The following TLR9 variants were observed in gnomAD, a reference collection of about 807,000 sequenced individuals.
The protein encoded by TLR9 is toll-like receptor 9.
A neutral mutation model predicts 24.6 loss-of-function variants in TLR9; 19 were observed. The observed-to-expected ratio is 0.77, with a 90% CI of 0.54 to 1.13. TLR9 has a LOEUF of 1.13. Among genes scored for constraint, TLR9 ranks in the 50% most tolerant of loss-of-function variants. The probability of loss-of-function intolerance (pLI) is 0.00; values close to 1 mark genes in which losing one functional copy is unlikely to be tolerated. For synonymous variants in TLR9, 579 were observed against 609.8 expected (o/e 0.95, Z 0.74); for missense variants, 1,065 against 1,379.6 (o/e 0.77, Z 3.61).
In TLR9 at chr3:52,221,511, A is replaced by G; in HGVS notation, c.2805T>C (p.Phe935=). The change falls in exon 2 of 2, where the codon TTT becomes TTC. Residue 935 remains phenylalanine, a synonymous_variant. Coordinates refer to ENST00000360658, the MANE Select transcript of TLR9 (RefSeq NM_017442.4). This position sits in a 1 kb window ranked among gnomAD's most constrained non-coding sequence, Gnocchi z 9.9. ...ASVYGSRKTL[F]VLAHTDRVSG... ...TGACCCGGTCCGTGTGGGCCAGCACAAACAGCGTCTTGCGGCTGCCATAGA... is the reference window on the plus strand; with the variant it reads ...TGACCCGGTCCGTGTGGGCCAGCACGAACAGCGTCTTGCGGCTGCCATAGA... The G allele has an allele frequency of 6.2e-7, 1 of 1,613,132 alleles. No homozygotes were observed. The highest frequency in any genetic ancestry group is 8.5e-7 in the Non-Finnish European group (1 of 1,179,840).
At chr3:52,225,434 CG>C (rs1415429669) in intron 1 of TLR9, 92 bp downstream of exon 1, 4 of 1,548,454 alleles carry the variant, frequency 2.6e-6, no homozygotes, top group Non-Finnish European at 3.5e-6. Context: ...GGTGACAACC[CG>C]TCACTGTTGC....
chr3:52,221,320 G>A lies in TLR9; in HGVS notation c.2996C>T (p.Pro999Leu). Residue 999 changes from proline to leucine, a missense_variant, in exon 2 of 2, where the codon CCC (proline) becomes CTC (leucine). Coordinates refer to ENST00000360658, the MANE Select transcript of TLR9 (RefSeq NM_017442.4). The surrounding 1 kb of genome is among the most constrained non-coding windows in gnomAD (Gnocchi z 9.9). ...RQSVLLWPHQ[P>L]SGQRSFWAQL... ...GGCCCAGAAGCTGCGCTGACCACTG[G>A]GCTGGTGGGGCCAGAGGAGGACACT... 5.1e-6 allele frequency: 8 copies of A among 1,566,324 alleles called. No homozygotes were observed. The highest frequency in any genetic ancestry group is 6.9e-6 in the Non-Finnish European group (8 of 1,155,140).
At position 52,222,013 on chromosome 3, in the gene TLR9, G is replaced by A. The variant is rs200548286; in HGVS notation, c.2303C>T (p.Ala768Val). Reference sequence around the variant, plus strand: ...CTCCAGCAGGAAGTCCATAAAGGCCGCCCCACAGGCGCAGTGCAGAGGGTT... The same window carrying A: ...CTCCAGCAGGAAGTCCATAAAGGCCACCCCACAGGCGCAGTGCAGAGGGTT... ...SANPLHCACG[A>V]AFMDFLLEVQ... Residue 768 changes from alanine (A) to valine (V), a missense_variant, in exon 2 of 2, where the codon GCG (alanine) becomes GTG (valine). By Grantham distance (64) the Ala-to-Val change is moderately conservative. Coordinates refer to ENST00000360658, the MANE Select transcript of TLR9 (RefSeq NM_017442.4). 3.7e-6 allele frequency: 6 copies of A among 1,608,794 alleles called. No homozygotes were observed. The highest frequency in any genetic ancestry group is 4.2e-6 in the Non-Finnish European group (5 of 1,177,342).
rs1370997293 is a variant in TLR9 at position 52,221,950 on chromosome 3, T to A, written c.2366A>T (p.Lys789Met). ...CTGGAGCTGGCCCGGACTGCCACAC[T>A]TCACCCGGCTGGGCAGACCGGGCAC... ...AAVPGLPSRV[K>M]CGSPGQLQGL... The change falls in exon 2 of 2, where the codon AAG becomes ATG. Residue 789 changes from lysine (K) to methionine (M), a missense_variant. Physicochemically the swap from Lys to Met is moderately conservative, Grantham distance 95 (BLOSUM62 -1). Coordinates refer to ENST00000360658, the MANE Select transcript of TLR9 (RefSeq NM_017442.4). This position sits in a 1 kb window ranked among gnomAD's most constrained non-coding sequence, Gnocchi z 9.9. 6.2e-7 allele frequency: 1 copy of A among 1,611,340 alleles called. No homozygotes were observed.
rs144351655 is a variant in TLR9 at position 52,222,165 on chromosome 3, G to T, written c.2151C>A (p.Ala717=). The T allele has an allele frequency of 8.1e-5, 130 of 1,613,724 alleles. No homozygotes were observed. The highest frequency in any genetic ancestry group is 1.1e-4 in the Non-Finnish European group (128 of 1,179,928). ...CCTTGGCCTTGGAAAAGAAGCCGGG[G>T]GCCACGAAGCTGATGCTGTTGCAGC... The part of the protein sequence containing the change: ...DVSCNSISFV[A]PGFFSKAKEL... Residue 717 remains alanine, a synonymous_variant, in exon 2 of 2, where the codon GCC becomes GCA. Coordinates refer to ENST00000360658, the MANE Select transcript of TLR9 (RefSeq NM_017442.4).
Position 52,225,596 on chromosome 3 carries a change from G to GCTT in TLR9, c.-70_-68dup, listed in dbSNP as rs774031365. 37 of 1,570,276 alleles carry GCTT rather than the reference G, an allele frequency of 2.4e-5. No homozygotes were observed. The Admixed American group carries it at 3.7e-4, about 16-fold the overall frequency. On this transcript the variant is annotated 5_prime_UTR_variant, in exon 1 of 2. Transcript: ENST00000360658. ...CTGGACAGCAGCTACAGGGAAGGATGCTTCACACTCGAGGTCCCTTCCCAC... is the reference window on the plus strand; with the variant it reads ...CTGGACAGCAGCTACAGGGAAGGATGCTTCTTCACACTCGAGGTCCCTTCCCAC...
chr3:52,223,647 C>A lies in TLR9; in HGVS notation c.669G>T (p.Glu223Asp), dbSNP rs781043967. The A allele has an allele frequency of 1.3e-6, 2 of 1,587,264 alleles. No homozygotes were observed. Among genetic ancestry groups the A allele is most frequent in the South Asian group, 1.2e-5 (1 of 86,776 alleles). The stretch of plus-strand genomic sequence containing the variant: ...TGCGGTTGTAGGACAACAGCAGATA[C>A]TCCAGGCTGGAAGGCAGGTTGCGGG... ...VVPRNLPSSLEYLLLSYNRIV... is the reference protein window; with the variant it reads ...VVPRNLPSSLDYLLLSYNRIV... The change falls in exon 2 of 2, where the codon GAG becomes GAT. Residue 223 changes from glutamate (E) to aspartate (D), a missense_variant. Coordinates refer to ENST00000360658, the MANE Select transcript of TLR9 (RefSeq NM_017442.4).
Position 52,222,225 on chromosome 3 carries a change from C to T in TLR9, c.2091G>A (p.Leu697=), listed in dbSNP as rs1348370346. Residue 697 remains leucine (L), a synonymous_variant, in exon 2 of 2, where the codon CTG becomes CTA. Coordinates refer to ENST00000360658, the MANE Select transcript of TLR9 (RefSeq NM_017442.4). ...GCCTCCGGAGCCGGGTGCCAGCAGG[C>T]AGGCTGCCATTGGTCAGGGCCTTCA... ...NQLKALTNGS[L]PAGTRLRRLD... 1 of 1,614,142 alleles carries T rather than the reference C, an allele frequency of 6.2e-7. No individual in the cohort carries two copies. The highest frequency in any genetic ancestry group is 1.3e-5 in the African/African-American group (1 of 75,060).
rs759114677 is a variant in TLR9, at chr3:52,222,064, G to T, written c.2252C>A (p.Ala751Asp). ...GGCGCTTACATCTAGTATTTGCAGG[G>T]CACTCGCCAGGGGCCCAAACCAGGA... ...DHSWFGPLAS[A>D]LQILDVSANP... Residue 751 changes from alanine (A) to aspartate (D), a missense_variant, in exon 2 of 2, where the codon GCC becomes GAC. Transcript: ENST00000360658. The T allele has an allele frequency of 6.2e-7, 1 of 1,612,532 alleles. No individual in the cohort carries two copies. The highest frequency in any genetic ancestry group is 8.5e-7 in the Non-Finnish European group (1 of 1,179,242).
In TLR9 at chr3:52,222,150, G is replaced by T. The variant is rs372231358; in HGVS notation, c.2166C>A (p.Ser722=). ...SISFVAPGFF[S]KAKELRELNL... Reference sequence around the variant, plus strand: ...TGAGCTCTCGCAGCTCCTTGGCCTTGGAAAAGAAGCCGGGGGCCACGAAGC... The same window carrying T: ...TGAGCTCTCGCAGCTCCTTGGCCTTTGAAAAGAAGCCGGGGGCCACGAAGC... Residue 722 remains serine, a synonymous_variant, in exon 2 of 2, where the codon TCC becomes TCA. Transcript: ENST00000360658. 3 of 1,613,434 alleles carry T rather than the reference G, an allele frequency of 1.9e-6. 1 individual carries two copies. In the African/African-American group the frequency reaches 4.0e-5, roughly 22 times the overall value.
In TLR9 at chr3:52,222,165, G is replaced by C; in HGVS notation, c.2151C>G (p.Ala717=). ...DVSCNSISFV[A]PGFFSKAKEL... is the part of the protein sequence containing the mutation. ...CCTTGGCCTTGGAAAAGAAGCCGGG[G>C]GCCACGAAGCTGATGCTGTTGCAGC... The change falls in exon 2 of 2, where the codon GCC becomes GCG. Residue 717 remains alanine, a synonymous_variant. Transcript: ENST00000360658. The C allele has an allele frequency of 6.2e-7, 1 of 1,613,842 alleles. No individual in the cohort carries two copies.
rs764783650 is a variant in TLR9 at position 52,223,726 on chromosome 3, C to G, written c.590G>C (p.Gly197Ala). Residue 197 changes from glycine to alanine, a missense_variant, in exon 2 of 2, where the codon GGC (glycine) becomes GCC (alanine). Transcript: ENST00000360658. ...ALEVAPGALL[G>A]LGNLTHLSLK... ...TGACAGGTGGGTGAGGTTGCCCAGGCCAAGGAGGGCACCCGGGGCCACCTC... is the reference window on the plus strand; with the variant it reads ...TGACAGGTGGGTGAGGTTGCCCAGGGCAAGGAGGGCACCCGGGGCCACCTC... 5.7e-6 allele frequency: 9 copies of G among 1,580,384 alleles called. No homozygotes were observed. The South Asian group carries it at 1.1e-4, about 18-fold the overall frequency.
In TLR9 at chr3:52,221,779, C is replaced by A; in HGVS notation, c.2537G>T (p.Cys846Phe). The change falls in exon 2 of 2, where the codon TGC becomes TTC. Residue 846 changes from cysteine to phenylalanine, a missense_variant. Coordinates refer to ENST00000360658, the MANE Select transcript of TLR9 (RefSeq NM_017442.4). This position sits in a 1 kb window ranked among gnomAD's most constrained non-coding sequence, Gnocchi z 9.9. Reference sequence around the variant, plus strand: ...AAGCCAGGCCAGGCACAGGTGGAAGCAGTACCAGAGGTCCCAGCCACAGAG... The same window carrying A: ...AAGCCAGGCCAGGCACAGGTGGAAGAAGTACCAGAGGTCCCAGCCACAGAG... ...HHLCGWDLWY[C>F]FHLCLAWLPW... The A allele has an allele frequency of 6.2e-7, 1 of 1,613,954 alleles. No homozygotes were observed. The highest frequency in any genetic ancestry group is 1.1e-5 in the South Asian group (1 of 91,084).
At position 52,221,307 on chromosome 3, in the gene TLR9, G is replaced by C. The variant is rs202094485; in HGVS notation, c.3009C>G (p.Arg1003=). The C allele has an allele frequency of 3.5e-5, 55 of 1,550,360 alleles. No homozygotes were observed. In the Middle Eastern group the frequency reaches 5.2e-4, roughly 15 times the overall value. Residue 1003 remains arginine, a synonymous_variant, in exon 2 of 2, where the codon CGC becomes CGG. Coordinates refer to ENST00000360658, the MANE Select transcript of TLR9 (RefSeq NM_017442.4). The surrounding 1 kb of genome is among the most constrained non-coding windows in gnomAD (Gnocchi z 9.9). ...LLWPHQPSGQ[R]SFWAQLGMAL... is the part of the protein sequence containing the mutation. Reference sequence around the variant, plus strand: ...CCATGCCCAGCTGGGCCCAGAAGCTGCGCTGACCACTGGGCTGGTGGGGCC... The same window carrying C: ...CCATGCCCAGCTGGGCCCAGAAGCTCCGCTGACCACTGGGCTGGTGGGGCC...
Position 52,224,183 on chromosome 3 carries a change from A to G in TLR9, c.133T>C (p.Cys45Arg). 6.2e-7 allele frequency: 1 copy of G among 1,607,328 alleles called. No individual in the cohort carries two copies. The highest frequency in any genetic ancestry group is 8.5e-7 in the Non-Finnish European group (1 of 1,175,610). ...CELQPHGLVN[C>R]NWLFLKSVPH... is the part of the protein sequence containing the mutation. ...ACAGACTTCAGGAACAGCCAGTTGC[A>G]GTTCACCAGGCCGTGGGGCTGGAGC... Residue 45 changes from cysteine to arginine, a missense_variant, in exon 2 of 2, where the codon TGC becomes CGC. Physicochemically the swap from Cys to Arg is radical, Grantham distance 180. Transcript: ENST00000360658.
Position 52,221,755 on chromosome 3 carries a change from A to AGCCAGGCCAGGCAC in TLR9, c.2547_2560dup (p.Leu854ArgfsTer121). ...CCCACTTTGCCGCCCCCGCCAGGGA[A>AGCCAGGCCAGGCAC]GCCAGGCCAGGCACAGGTGGAAGCA... On this transcript the variant is annotated frameshift_variant, in exon 2 of 2. Coordinates refer to ENST00000360658, the MANE Select transcript of TLR9 (RefSeq NM_017442.4). LOFTEE classifies it high-confidence loss of function. The surrounding 1 kb of genome is among the most constrained non-coding windows in gnomAD (Gnocchi z 9.9). 1 of 1,613,960 alleles carries AGCCAGGCCAGGCAC rather than the reference A, an allele frequency of 6.2e-7. No individual in the cohort carries two copies. The highest frequency in any genetic ancestry group is 8.5e-7 in the Non-Finnish European group (1 of 1,180,010).
At position 52,223,137 on chromosome 3, in the gene TLR9, G is replaced by C. The variant is rs1229873635; in HGVS notation, c.1179C>G (p.Leu393=). ...AGTTCATCTGCAGACGCAGAGTCTGGAGCATGGGCAGGCGGGCCAGTGGCC... is the reference window on the plus strand; with the variant it reads ...AGTTCATCTGCAGACGCAGAGTCTGCAGCATGGGCAGGCGGGCCAGTGGCC... The part of the protein sequence containing the change: ...TLRPLARLPM[L]QTLRLQMNFI... The change falls in exon 2 of 2, where the codon CTC becomes CTG. Residue 393 remains leucine, a synonymous_variant. Coordinates refer to ENST00000360658, the MANE Select transcript of TLR9 (RefSeq NM_017442.4). 1.9e-6 allele frequency: 3 copies of C among 1,613,988 alleles called. No individual in the cohort carries two copies. The South Asian group carries it at 3.3e-5, about 18-fold the overall frequency.
Position 52,221,184 on chromosome 3 carries a change from G to A in TLR9, c.*33C>T, listed in dbSNP as rs1397372536. On this transcript the variant is annotated 3_prime_UTR_variant, in exon 2 of 2. Transcript: ENST00000360658. This position sits in a 1 kb window ranked among gnomAD's most constrained non-coding sequence, Gnocchi z 9.9. ...AGGCAGGCAGAGGTGAGGTGAGTGT[G>A]GAGGTGGCACCGTGCAGGATTCCGG... is the stretch of plus-strand genomic sequence containing the variant. 1 of 1,503,170 alleles carries A rather than the reference G, an allele frequency of 6.7e-7. No individual in the cohort carries two copies. Among genetic ancestry groups the A allele is most frequent in the Non-Finnish European group, 8.9e-7 (1 of 1,124,374 alleles). 93.1% of individuals were successfully genotyped at this position (1,503,170 alleles called of 1,614,324 possible). A position where few individuals can be genotyped will look rare whatever the true frequency, so the allele number is the denominator to read the frequency against.
At position 52,222,713 on chromosome 3, in the gene TLR9, G is replaced by A. The variant is rs1356528648; in HGVS notation, c.1603C>T (p.Leu535Phe). The A allele has an allele frequency of 6.2e-7, 1 of 1,613,648 alleles. No homozygotes were observed. The highest frequency in any genetic ancestry group is 1.7e-5 in the Admixed American group (1 of 60,022). Residue 535 changes from leucine to phenylalanine, a missense_variant, in exon 2 of 2, where the codon CTC (leucine) becomes TTC (phenylalanine). Transcript: ENST00000360658. The stretch of plus-strand genomic sequence containing the variant: ...TCCGTGAATGAGTGCTCGTGGTAGA[G>A]GTCCAGCTTATTGTGGGACAGGTCT... ...VLDLSHNKLD[L>F]YHEHSFTELP...
Sources: allele counts gnomAD v4.1 joint callset, GRCh38; gene constraint gnomAD v4.1.1; non-coding constraint Gnocchi (gnomAD v3.1); transcripts MANE v1.5; gene names NCBI Gene and HGNC (gene_info 2026-07-23, HGNC 2026-07-21).